Variants in MBOAT1 observed in about 807,000 individuals in gnomAD.
MBOAT1 encodes membrane bound glycerophospholipid O-acyltransferase 1.
A neutral mutation model predicts 64.4 loss-of-function variants in MBOAT1; 67 were observed. That is an observed-to-expected ratio of 1.04 (90% CI 0.85 to 1.27). The LOEUF (loss-of-function observed/expected upper bound fraction) is 1.27. Among genes scored for constraint, MBOAT1 ranks in the 50% most tolerant of loss-of-function variants. MBOAT1 has a pLI of 0.00. For synonymous variants in MBOAT1, 229 were observed against 218.9 expected (o/e 1.05, Z -0.41); for missense variants, 563 against 604.6 (o/e 0.93, Z 0.72).
chr6:20,110,613 T>C (rs1760109925), intron 11 of MBOAT1, among the ~76,000 whole-genome samples: 1 of 152,080 alleles, frequency 6.6e-6, no homozygotes, highest in Admixed American at 6.6e-5. Context: ...TTTCTTTCTT[T>C]TTTAACACCT....
chr6:20,114,500 C>T (rs1055203969), intron 10 of MBOAT1, among the ~76,000 whole-genome samples: 1 of 152,174 alleles, frequency 6.6e-6, no homozygotes, highest in African/African-American at 2.4e-5. Context: ...CTGCAATCAT[C>T]GGTGATTTGA....
rs746767730 is a variant in MBOAT1 at position 20,134,664 on chromosome 6, C to T, written c.420-3465G>A. 1.3e-4 allele frequency among the ~76,000 whole-genome samples: 20 copies of T among 152,084 alleles called. 1 individual carries two copies. Among genetic ancestry groups the T allele is most frequent in the Non-Finnish European group, 2.6e-4 (18 of 68,018 alleles). ...CTTTTGTGCAGTGCAAGGAAAAGCA[C>T]CATACTGTCTTTCTCAAAACAAGTT... On this transcript the variant is annotated intron_variant, in intron 4 of 12. Transcript: ENST00000324607.
chr6:20,163,874 A>C (rs1023634513), intron 1 of MBOAT1, among the ~76,000 whole-genome samples: 1 of 152,060 alleles, frequency 6.6e-6, no homozygotes, highest in Non-Finnish European at 1.5e-5. Context: ...CTGGGCCTCC[A>C]TAAGGAGTGA....
intron 1 of MBOAT1, among the ~76,000 whole-genome samples, chr6:20,168,599 GAGAGA>G (rs149730371): frequency 0.13 from 10,768 of 84,448 alleles, 832 homozygotes; most frequent in East Asian, 0.23. Context: ...GGGAGAGAAA[GAGAGA>G]AGAGAAGAGA....
At chr6:20,174,690 A>T (rs1474503152) in intron 1 of MBOAT1, among the ~76,000 whole-genome samples, 1 of 152,208 alleles carries the variant, frequency 6.6e-6, no homozygotes, top group Non-Finnish European at 1.5e-5. Context: ...ACAGCTAGGG[A>T]ATAGGAATTT....
At chr6:20,196,002 A>G (rs913550644) in intron 1 of MBOAT1, among the ~76,000 whole-genome samples, 1 of 152,134 alleles carries the variant, frequency 6.6e-6, no homozygotes, top group Admixed American at 6.5e-5. Flanking sequence ...GAAGGGAGAC[A>G]CCTCACAGGG....
intron 3 of MBOAT1, among the ~76,000 whole-genome samples, chr6:20,144,559 A>G (rs1202196): frequency 0.57 from 86,035 of 151,902 alleles, 25,133 homozygotes; most frequent in South Asian, 0.65. Context: ...TGCAAACCAC[A>G]GATCCCTGGG....
At chr6:20,136,520 T>C (rs1387723203) in intron 4 of MBOAT1, among the ~76,000 whole-genome samples, 2 of 152,232 alleles carry the variant, frequency 1.3e-5, no homozygotes, top group Non-Finnish European at 2.9e-5. Flanking sequence ...TTTTTCCCTA[T>C]TATGGAACCC....
chr6:20,128,080 G>A (rs1760713875), intron 6 of MBOAT1, among the ~76,000 whole-genome samples: 1 of 151,856 alleles, frequency 6.6e-6, no homozygotes. Context: ...TGTCTAGCAG[G>A]AACCCCCCGC....
chr6:20,197,357 A>G (rs1475396005), intron 1 of MBOAT1, among the ~76,000 whole-genome samples: 1 of 152,186 alleles, frequency 6.6e-6, no homozygotes, highest in African/African-American at 2.4e-5. Flanking sequence ...GATAGCTACA[A>G]AGATAAAATA....
At position 20,152,617 on chromosome 6, in the gene MBOAT1, T is replaced by C. The variant is rs531843155; in HGVS notation, c.245+7A>G. On this transcript the variant is annotated splice_region_variant and intron_variant, in intron 2 of 12. Transcript: ENST00000324607. The stretch of plus-strand genomic sequence containing the variant: ...CCAATATTAGAATATATGAGGCTCA[T>C]ACTCACCAGCCGAAACAAAAGATGA... 1.2e-6 allele frequency: 2 copies of C among 1,607,320 alleles called. No homozygotes were observed. Among genetic ancestry groups the C allele is most frequent in the African/African-American group, 1.3e-5 (1 of 74,590 alleles).
chr6:20,189,333 T>C (rs1762740028), intron 1 of MBOAT1, among the ~76,000 whole-genome samples: 1 of 152,234 alleles, frequency 6.6e-6, no homozygotes, highest in Non-Finnish European at 1.5e-5. Flanking sequence ...CTAAGTACCA[T>C]ATGTATTACC....
intron 1 of MBOAT1, among the ~76,000 whole-genome samples, chr6:20,203,631 C>A (rs570481933): frequency 6.6e-6 from 1 of 152,114 alleles, no homozygotes; most frequent in African/African-American, 2.4e-5. Flanking sequence ...TTTGTGCTAA[C>A]CATACAAAGA....
chr6:20,171,622 C>A (rs1762199863), intron 1 of MBOAT1, among the ~76,000 whole-genome samples: 1 of 151,960 alleles, frequency 6.6e-6, no homozygotes, highest in South Asian at 2.1e-4. Flanking sequence ...TAATTCAAAC[C>A]CAATCTGATT....
chr6:20,152,353 AT>A (rs367612447), intron 2 of MBOAT1, among the ~76,000 whole-genome samples: 56,345 of 143,520 alleles, frequency 0.39, 11,402 homozygotes, highest in Middle Eastern at 0.45. Flanking sequence ...AAATAAATAA[AT>A]AAATAAATAA....
chr6:20,141,359 CTTTTT>C (rs755615744), intron 4 of MBOAT1, among the ~76,000 whole-genome samples: 13 of 99,828 alleles, frequency 1.3e-4, no homozygotes, highest in East Asian at 8.2e-4. Context: ...TTTTCTTTTT[CTTTTT>C]TTTTTTTTTT....
intron 1 of MBOAT1, among the ~76,000 whole-genome samples, chr6:20,206,837 T>C (rs1476221457): frequency 6.6e-6 from 1 of 152,036 alleles, no homozygotes; most frequent in African/African-American, 2.4e-5. Flanking sequence ...CACACCCCGA[T>C]TTTCATCATC....
intron 9 of MBOAT1, 102 bp from the exon 10 acceptor site, chr6:20,115,454 A>C: frequency 1.2e-6 from 1 of 866,430 alleles, no homozygotes; most frequent in Non-Finnish European, 1.9e-6. Context: ...ACTGTATTTC[A>C]ATAGTGACTG....
intron 7 of MBOAT1, among the ~76,000 whole-genome samples, chr6:20,125,721 T>G (rs186127974): frequency 6.6e-6 from 1 of 152,362 alleles, no homozygotes; most frequent in Non-Finnish European, 1.5e-5. Context: ...CATAAAGTGC[T>G]GAGAACTGAA....
Sources: allele counts gnomAD v4.1 joint callset (sites outside exome capture counted in the v4.1 genomes callset), GRCh38; gene constraint gnomAD v4.1.1; transcripts MANE v1.5; gene names NCBI Gene and HGNC (gene_info 2026-07-23, HGNC 2026-07-21).